Variants in ZGPAT observed in about 807,000 individuals in gnomAD.
ZGPAT encodes the protein zinc finger CCCH-type with G patch domain-containing protein.
ZGPAT carries 39 observed loss-of-function variants against 47.9 expected under a neutral mutation model. The observed-to-expected ratio is 0.81, with a 90% CI of 0.63 to 1.06. The LOEUF is 1.06. ZGPAT is among the 50% of genes least tolerant of loss of function. ZGPAT has a pLI of 0.00. For missense variants in ZGPAT, 717 were observed against 681.4 expected (o/e 1.05, Z -0.58); for synonymous variants, 348 against 292.9 (o/e 1.19, Z -1.92).
chr20:63,718,595 A>G (rs2145656711), intron 2 of ZGPAT, among the ~76,000 whole-genome samples: 2 of 151,480 alleles, frequency 1.3e-5, no homozygotes, highest in Middle Eastern at 3.4e-3. Flanking sequence ...CACTGGGATT[A>G]CAGGCGTGAA....
At chr20:63,713,205 G>A (rs974672268) in intron 2 of ZGPAT, among the ~76,000 whole-genome samples, 1 of 150,508 alleles carries the variant, frequency 6.6e-6, no homozygotes, top group African/African-American at 2.4e-5. Context: ...CAAGTAGCTG[G>A]GATCACAGGT....
intron 2 of ZGPAT, 118 bp from the exon 3 acceptor site, chr20:63,733,101 C>T: frequency 7.5e-7 from 1 of 1,337,882 alleles, no homozygotes; most frequent in Non-Finnish European, 1.0e-6. Flanking sequence ...TATGTATACG[C>T]ACGCGTGTGT....
At chr20:63,732,818 G>A (rs959678342) in intron 2 of ZGPAT, among the ~76,000 whole-genome samples, 6 of 151,602 alleles carry the variant, frequency 4.0e-5, no homozygotes, top group African/African-American at 1.2e-4. Context: ...GTGTGTATGT[G>A]TACTTGTGTG....
rs996126477 is a variant in ZGPAT at position 63,733,310 on chromosome 20, G to A, written c.676G>A (p.Ala226Thr). 7 of 1,613,094 alleles carry A rather than the reference G, an allele frequency of 4.3e-6. No homozygotes were observed. The highest frequency in any genetic ancestry group is 5.9e-6 in the Non-Finnish European group (7 of 1,179,942). ...SSLQAGSACL[A>T]KHQDGLWHAA... ...CCTGCAGGCCGGCTCTGCGTGTCTG[G>A]CCAAGCACCAGGATGGCCTCTGGCA... The change falls in exon 3 of 7, where the codon GCC (alanine) becomes ACC (threonine). Residue 226 changes from alanine (A) to threonine (T), a missense_variant. Coordinates refer to ENST00000355969, the MANE Select transcript of ZGPAT (RefSeq NM_181485.3).
intron 2 of ZGPAT, among the ~76,000 whole-genome samples, chr20:63,709,494 G>A (rs2091631895): frequency 6.6e-6 from 1 of 152,010 alleles, no homozygotes; most frequent in African/African-American, 2.4e-5. Flanking sequence ...AAAATGAACC[G>A]GTCGTGGTGG....
intron 2 of ZGPAT, among the ~76,000 whole-genome samples, chr20:63,730,960 CTCTCTCTCTCTG>C (rs1331987336): frequency 1.7e-3 from 138 of 82,874 alleles, no homozygotes; most frequent in Middle Eastern, 8.2e-3. Context: ...CTCTCTCTCT[CTCTCTCTCTCTG>C]TGTGTGTGTG....
Position 63,733,426 on chromosome 20 carries a change from C to T in ZGPAT, c.718+74C>T, listed in dbSNP as rs1000321575. 6.9e-6 allele frequency: 11 copies of T among 1,598,330 alleles called. No individual in the cohort carries two copies. In the African/African-American group the frequency reaches 1.1e-4, roughly 16 times the overall value. On this transcript the variant is annotated intron_variant, in intron 3 of 6. Transcript: ENST00000355969. ...GTGTGTTGTCACTGTGTGGCTGCTCCCTGCTTCCTTTGGGTTGAGTGTCGG... is the reference window on the plus strand; with the variant it reads ...GTGTGTTGTCACTGTGTGGCTGCTCTCTGCTTCCTTTGGGTTGAGTGTCGG...
intron 2 of ZGPAT, among the ~76,000 whole-genome samples, chr20:63,718,432 A>C (rs1470424103): frequency 1.3e-5 from 2 of 151,844 alleles, no homozygotes; most frequent in Non-Finnish European, 2.9e-5. Context: ...TCCCGGGTTC[A>C]AGTGATCCTC....
intron 2 of ZGPAT, among the ~76,000 whole-genome samples, chr20:63,710,109 C>T (rs1424504360): frequency 6.6e-6 from 1 of 151,626 alleles, no homozygotes; most frequent in East Asian, 1.9e-4. Flanking sequence ...ATCCGCCCAC[C>T]TTGGCCTCCC....
intron 2 of ZGPAT, among the ~76,000 whole-genome samples, chr20:63,723,829 T>G (rs2091815782): frequency 6.6e-6 from 1 of 152,222 alleles, no homozygotes; most frequent in Non-Finnish European, 1.5e-5. Context: ...CCAGCACTTT[T>G]GGGGGCTGAG....
intron 2 of ZGPAT, among the ~76,000 whole-genome samples, chr20:63,726,581 G>A (rs1430654697): frequency 6.6e-6 from 1 of 151,612 alleles, no homozygotes; most frequent in African/African-American, 2.4e-5. Context: ...GAAGTGCAAT[G>A]GTGCAATCTC....
chr20:63,732,177 ATG>A (rs890742800), intron 2 of ZGPAT, among the ~76,000 whole-genome samples: 10 of 139,800 alleles, frequency 7.2e-5, no homozygotes, highest in African/African-American at 1.9e-4. Context: ...GTGACTGCAT[ATG>A]TGTGTGCATG....
At chr20:63,733,423 C>G in intron 3 of ZGPAT, 71 bp downstream of exon 3, 1 of 1,597,978 alleles carries the variant, frequency 6.3e-7, no homozygotes, top group African/African-American at 1.3e-5. Context: ...TGTGTGGCTG[C>G]TCCCTGCTTC....
intron 2 of ZGPAT, among the ~76,000 whole-genome samples, chr20:63,721,099 G>A (rs1222059624): frequency 2.6e-5 from 4 of 152,100 alleles, no homozygotes; most frequent in Non-Finnish European, 5.9e-5. Flanking sequence ...CGCCTGTAAT[G>A]CTAGGACTTT....
At position 63,708,930 on chromosome 20, in the gene ZGPAT, G is replaced by A. The variant is rs1383776668; in HGVS notation, c.350G>A (p.Gly117Glu). The A allele has an allele frequency of 1.9e-6, 3 of 1,612,984 alleles. No homozygotes were observed. Among genetic ancestry groups the A allele is most frequent in the South Asian group, 2.2e-5 (2 of 91,068 alleles). The change falls in exon 2 of 7, where the codon GGG becomes GAG. Residue 117 changes from glycine to glutamate, a missense_variant. Gly to Glu is a moderately conservative substitution (Grantham distance 98). Coordinates refer to ENST00000355969, the MANE Select transcript of ZGPAT (RefSeq NM_181485.3). ...AEAGPESAAG[G>E]QEEEEGEDEE... ...GCGGGGCCAGAATCTGCGGCAGGTG[G>A]GCAGGAGGAGGAAGAGGGAGAGGAC...
At position 63,735,800 on chromosome 20, in the gene ZGPAT, C is replaced by T. The variant is rs773725976; in HGVS notation, c.1417C>T (p.Gln473Ter). 2 of 1,609,222 alleles carry T rather than the reference C, an allele frequency of 1.2e-6. No individual in the cohort carries two copies. Among genetic ancestry groups the T allele is most frequent in the Non-Finnish European group, 1.7e-6 (2 of 1,178,384 alleles). Reference sequence around the variant, plus strand: ...CCGCAGGCATAGCGTGGCGTCAGCCCAGCTGCAGGAGAAGCTGGCAGGAGC... The same window carrying T: ...CCGCAGGCATAGCGTGGCGTCAGCCTAGCTGCAGGAGAAGCTGGCAGGAGC... ...NAGRHSVASA[Q>*]LQEKLAGAQR... The change falls in exon 7 of 7, where the codon CAG becomes TAG. Residue 473 changes from glutamine (Q) to a stop codon, truncating the protein, a stop_gained. Coordinates refer to ENST00000355969, the MANE Select transcript of ZGPAT (RefSeq NM_181485.3). LOFTEE classifies it high-confidence loss of function.
chr20:63,727,014 G>A (rs1202640619), intron 2 of ZGPAT, among the ~76,000 whole-genome samples: 2 of 151,856 alleles, frequency 1.3e-5, no homozygotes, highest in African/African-American at 4.8e-5. Context: ...TGTCACCCAA[G>A]GTCCATAGTT....
chr20:63,717,903 C>T (rs1029002713), intron 2 of ZGPAT, among the ~76,000 whole-genome samples: 12 of 152,094 alleles, frequency 7.9e-5, no homozygotes, highest in South Asian at 2.1e-4. Context: ...ATTAGCTGGG[C>T]GTGGTGGCAG....
intron 2 of ZGPAT, among the ~76,000 whole-genome samples, chr20:63,723,689 T>C (rs1373344933): frequency 6.6e-6 from 1 of 152,280 alleles, no homozygotes; most frequent in East Asian, 1.9e-4. Flanking sequence ...CCATCCCCTC[T>C]TCTCCTTCAT....
Sources: allele counts gnomAD v4.1 joint callset (sites outside exome capture counted in the v4.1 genomes callset), GRCh38; gene constraint gnomAD v4.1.1; transcripts MANE v1.5; gene names NCBI Gene and HGNC (gene_info 2026-07-23, HGNC 2026-07-21).